LRIG1: variants seen among roughly 807,000 people sequenced by gnomAD.
LRIG1 encodes the protein leucine rich repeats and immunoglobulin like domains 1, also known as leucine-rich repeats and immunoglobulin-like domains protein 1.
Under a neutral mutation model 99.2 loss-of-function variants are expected in LRIG1, and 48 were observed. The ratio of observed to expected loss-of-function variants is 0.48; its 90% CI spans 0.38 to 0.62. The LOEUF (loss-of-function observed/expected upper bound fraction) is 0.62. Among genes scored for constraint, LRIG1 ranks in the 20% least tolerant of loss-of-function variants. The pLI is 0.00. For missense variants in LRIG1, 1,646 were observed against 1,434.4 expected (o/e 1.15, Z -2.38); for synonymous variants, 772 against 596.1 (o/e 1.29, Z -4.30).
At chr3:66,425,697 G>A (rs1553718163) in intron 3 of LRIG1, among the ~76,000 whole-genome samples, 1 of 151,228 alleles carries the variant, frequency 6.6e-6, no homozygotes, top group Non-Finnish European at 1.5e-5. Context: ...CTGCACTTAT[G>A]GGGACCGGGG....
intron 1 of LRIG1, among the ~76,000 whole-genome samples, chr3:66,494,835 A>G (rs920135628): frequency 2.0e-5 from 3 of 152,354 alleles, no homozygotes; most frequent in East Asian, 3.9e-4. Flanking sequence ...ATTTTGCTTA[A>G]TAAGAATGGT....
At position 66,405,233 on chromosome 3, in the gene LRIG1, G is replaced by T; in HGVS notation, c.1125C>A (p.Ser375Arg). The T allele has an allele frequency of 6.2e-7, 1 of 1,614,184 alleles. No homozygotes were observed. The highest frequency in any genetic ancestry group is 2.2e-5 in the East Asian group (1 of 44,866). ...GGCTGTCGAGCCCTGAGAAGGCGCC[G>T]CTCGTGTCCTCTATTGTGCCCGAAA... ...NEISGTIEDT[S>R]GAFSGLDSLS... The change falls in exon 9 of 19, where the codon AGC (serine) becomes AGA (arginine). Residue 375 changes from serine to arginine, a missense_variant. By Grantham distance (110) the Ser-to-Arg change is moderately radical. Coordinates refer to ENST00000273261, the MANE Select transcript of LRIG1 (RefSeq NM_015541.3).
chr3:66,461,984 C>T (rs1700364327), intron 2 of LRIG1, among the ~76,000 whole-genome samples: 1 of 152,172 alleles, frequency 6.6e-6, no homozygotes, highest in Non-Finnish European at 1.5e-5. Flanking sequence ...GGCTGATTAA[C>T]CTGTAATCCC....
chr3:66,382,985 T>G lies in LRIG1; in HGVS notation c.2488A>C (p.Thr830Pro). 6.2e-7 allele frequency: 1 copy of G among 1,604,326 alleles called. No individual in the cohort carries two copies. The highest frequency in any genetic ancestry group is 2.2e-5 in the East Asian group (1 of 44,648). Residue 830 changes from threonine to proline, a missense_variant, in exon 15 of 19, where the codon ACA becomes CCA. Coordinates refer to ENST00000273261, the MANE Select transcript of LRIG1 (RefSeq NM_015541.3). ...AGCTCCGCTGGCAGGGCCTGACCTG[T>G]GTTGGTGACACTGTACTCTTCACTC... ...KKSEEYSVTN[T>P]DETVVPPDVP...
At chr3:66,418,141 G>C (rs1348861722) in intron 3 of LRIG1, among the ~76,000 whole-genome samples, 2 of 152,120 alleles carry the variant, frequency 1.3e-5, no homozygotes, top group Admixed American at 6.5e-5. Context: ...CGCCAGGCTG[G>C]AGTGCAGTGG....
At position 66,380,686 on chromosome 3, in the gene LRIG1, C is replaced by T; in HGVS notation, c.2946G>A (p.Arg982=). 6.2e-7 allele frequency: 1 copy of T among 1,614,200 alleles called. No homozygotes were observed. Among genetic ancestry groups the T allele is most frequent in the Non-Finnish European group, 8.5e-7 (1 of 1,180,042 alleles). Residue 982 remains arginine (R), a synonymous_variant, in exon 18 of 19, where the codon AGG becomes AGA. Coordinates refer to ENST00000273261, the MANE Select transcript of LRIG1 (RefSeq NM_015541.3). ...ACTCGGGGCAGGACCCAGCGGCAGT[C>T]CTGCTGCACTGGTGATGTGGAGAAT... ...QEHSPHHQCS[R]TAAGSCPECQ... is the part of the protein sequence containing the mutation.
intron 15 of LRIG1, 94 bp downstream of exon 15, chr3:66,382,888 A>G (rs900172): frequency 0.6 from 698,889 of 1,169,198 alleles, 211,314 homozygotes; most frequent in East Asian, 0.79. Context: ...AACACAGTGC[A>G]ATTCTTTCAA....
intron 17 of LRIG1, 35 bp downstream of exon 17, chr3:66,381,444 G>A (rs1701057724): frequency 6.3e-7 from 1 of 1,594,640 alleles, no homozygotes; most frequent in Non-Finnish European, 8.6e-7. Context: ...TTCCATTTCA[G>A]AAAGAAACTA....
intron 12 of LRIG1, among the ~76,000 whole-genome samples, chr3:66,393,167 C>T (rs562971982): frequency 3.0e-4 from 45 of 152,212 alleles, no homozygotes; most frequent in African/African-American, 1.1e-3. Flanking sequence ...CAGAAGTGGC[C>T]CACAAGGGTT....
chr3:66,381,178 A>C (rs2242285), intron 17 of LRIG1, among the ~76,000 whole-genome samples: 1 of 151,992 alleles, frequency 6.6e-6, no homozygotes, highest in Non-Finnish European at 1.5e-5. Context: ...AATAAGCCTC[A>C]AAATAGCCCT....
chr3:66,451,561 A>G lies in LRIG1; in HGVS notation c.363T>C (p.Phe121=). The part of the protein sequence containing the change: ...GAASSHVVSL[F]LQHNKIRSVE... ...GTCCCCCAAACGGCACCACTTACAGAAAGAGAGAGACGACATGTGATGAAG... is the reference window on the plus strand; with the variant it reads ...GTCCCCCAAACGGCACCACTTACAGGAAGAGAGAGACGACATGTGATGAAG... The change falls in exon 3 of 19, where the codon TTT becomes TTC. Residue 121 remains phenylalanine, a splice_region_variant and synonymous_variant. Transcript: ENST00000273261. The G allele has an allele frequency of 6.2e-7, 1 of 1,613,998 alleles. No homozygotes were observed.
chr3:66,397,448 T>TTA lies in LRIG1; in HGVS notation c.1304+663_1304+664insTA, dbSNP rs776212642. On this transcript the variant is annotated intron_variant, in intron 11 of 18. Transcript: ENST00000273261. ...CTGTAGAATCAGATTCATGTCTAGC[T>TTA]AAAAAAAAAAAAAAAAAACCAGAAA... 3.4e-3 allele frequency among the ~76,000 whole-genome samples: 451 copies of TTA among 131,432 alleles called. 3 individuals are homozygous for TTA. The highest frequency in any genetic ancestry group is 0.012 in the African/African-American group (426 of 34,208). The allele number at this position is 131,432 out of a possible 152,430, so 86.2% of individuals were successfully genotyped here.
At chr3:66,401,568 G>A in intron 9 of LRIG1, 2 of 1,311,794 alleles carry the variant, frequency 1.5e-6, no homozygotes, top group South Asian at 1.5e-5. Flanking sequence ...CAATTATGCA[G>A]GGGCTAATCA....
chr3:66,417,193 T>C lies in LRIG1; in HGVS notation c.439A>G (p.Ser147Gly), dbSNP rs1442778891. Residue 147 changes from serine (S) to glycine (G), a missense_variant, in exon 4 of 19, where the codon AGT becomes GGT. Transcript: ENST00000273261. The part of the protein sequence containing the change: ...AYLSLEVLDL[S>G]LNNITEVRNT... ...CGCACTTCCGTGATGTTGTTCAAAC[T>C]CAGATCTAACACTTCTAAGGAAAGG... 1 of 1,614,092 alleles carries C rather than the reference T, an allele frequency of 6.2e-7. No individual in the cohort carries two copies. Among genetic ancestry groups the C allele is most frequent in the Non-Finnish European group, 8.5e-7 (1 of 1,180,040 alleles).
chr3:66,398,129 C>T lies in LRIG1; in HGVS notation c.1287G>A (p.Met429Ile). The T allele has an allele frequency of 3.1e-6, 5 of 1,613,894 alleles. No homozygotes were observed. The highest frequency in any genetic ancestry group is 4.2e-6 in the Non-Finnish European group (5 of 1,179,746). Reference protein sequence around the residue: ...RSVQFDAFVKMKNLKELHISS... With the variant: ...RSVQFDAFVKIKNLKELHISS... ...ATACTTACAGCTCTTTAAGATTCTT[C>T]ATCTTCACAAAGGCATCAAACTGGA... The change falls in exon 11 of 19, where the codon ATG (methionine) becomes ATA (isoleucine). Residue 429 changes from methionine to isoleucine, a missense_variant. Met to Ile is a conservative substitution (Grantham distance 10). Coordinates refer to ENST00000273261, the MANE Select transcript of LRIG1 (RefSeq NM_015541.3).
chr3:66,385,916 G>A (rs1247227846), intron 13 of LRIG1, 65 bp downstream of exon 13: 1 of 1,430,118 alleles, frequency 7.0e-7, no homozygotes, highest in African/African-American at 1.4e-5. Context: ...ATGGAAAGCT[G>A]AAAGGGCAAT....
At chr3:66,472,349 G>T (rs945225081) in intron 1 of LRIG1, among the ~76,000 whole-genome samples, 1 of 149,558 alleles carries the variant, frequency 6.7e-6, no homozygotes, top group African/African-American at 2.5e-5. Flanking sequence ...ACTTCGGATG[G>T]TCACAGGAAA....
chr3:66,409,412 G>A (rs193032400), intron 7 of LRIG1, among the ~76,000 whole-genome samples: 5 of 152,298 alleles, frequency 3.3e-5, no homozygotes, highest in South Asian at 2.1e-4. Context: ...CTACCCAGGC[G>A]ACAGTCTGTC....
At chr3:66,380,930 G>A (rs755604250) in intron 17 of LRIG1, 69 bp from the exon 18 acceptor site, 4 of 1,524,314 alleles carry the variant, frequency 2.6e-6, no homozygotes, top group Admixed American at 3.4e-5. Context: ...ACAGAGGACA[G>A]GCTGCTCAGC....
Sources: allele counts gnomAD v4.1 joint callset (sites outside exome capture counted in the v4.1 genomes callset), GRCh38; gene constraint gnomAD v4.1.1; transcripts MANE v1.5; gene names NCBI Gene and HGNC (gene_info 2026-07-23, HGNC 2026-07-21).